Variants in ZBTB7A observed in about 807,000 individuals in gnomAD.
ZBTB7A encodes the protein zinc finger and BTB domain containing 7A.
A neutral mutation model predicts 26.7 loss-of-function variants in ZBTB7A; 7 were observed. That is an observed-to-expected ratio of 0.26 (90% CI 0.15 to 0.49). ZBTB7A has a LOEUF of 0.49. Ranked by LOEUF, ZBTB7A falls within the 20% of genes least tolerant of loss-of-function variation. The pLI is 0.98. For missense variants in ZBTB7A, 617 were observed against 919.5 expected, an observed-to-expected ratio of 0.67 and a Z score of 4.25; for synonymous variants, 452 against 441.0, an observed-to-expected ratio of 1.02 and a Z score of -0.31.
chr19:4,062,256 T>C (rs938347330), intron 1 of ZBTB7A: 9 of 152,164 alleles, frequency 5.9e-5, no homozygotes, highest in African/African-American at 2.2e-4. Flanking sequence ...GGGGGACAGA[T>C]GGAGGGGCTG....
chr19:4,045,708 T>C lies in ZBTB7A; in HGVS notation c.*2044A>G. 5.1e-6 allele frequency: 2 copies of C among 391,412 alleles called. No individual in the cohort carries two copies. The highest frequency in any genetic ancestry group is 9.0e-6 in the Non-Finnish European group (2 of 221,956). 24.2% of individuals were successfully genotyped at this position (391,412 alleles called of 1,614,324 possible). A position where few individuals can be genotyped will look rare whatever the true frequency, so the allele number is the denominator to read the frequency against. ...CAGAGCGTCTATTTTCGGGGTCCCA[T>C]GCTAGCATTGCATATGCAAACGGGG... is the stretch of plus-strand genomic sequence containing the variant. On this transcript the variant is annotated 3_prime_UTR_variant, in exon 3 of 3. Transcript: ENST00000322357. This position sits in a 1 kb window ranked among gnomAD's most constrained non-coding sequence, Gnocchi z 4.1.
rs1348737110 is a variant in ZBTB7A, at chr19:4,043,493, T to C, written c.*4259A>G. 6.7e-6 allele frequency among the ~76,000 whole-genome samples: 1 copy of C among 150,152 alleles called. No homozygotes were observed. Among genetic ancestry groups the C allele is most frequent in the Non-Finnish European group, 1.5e-5 (1 of 67,726 alleles). On this transcript the variant is annotated 3_prime_UTR_variant, in exon 3 of 3. Transcript: ENST00000322357. ...TAAATCTCCCACACTTTATAAAGAC[T>C]CTCAATACAGTCTCTGGAATGTCTA...
chr19:4,045,735 G>A lies in ZBTB7A; in HGVS notation c.*2017C>T, dbSNP rs1338204953. 2.5e-6 allele frequency: 1 copy of A among 396,616 alleles called. No homozygotes were observed. The highest frequency in any genetic ancestry group is 2.1e-5 in the African/African-American group (1 of 48,596). The allele number at this position is 396,616 out of a possible 1,614,324, so 24.6% of individuals were successfully genotyped here. A position where few individuals can be genotyped will look rare whatever the true frequency, so the allele number is the denominator to read the frequency against. ...CTAGCATTGCATATGCAAACGGGGT[G>A]AGGGCGTCCTGGCATCTGGCGACAT... is the stretch of plus-strand genomic sequence containing the variant. On this transcript the variant is annotated 3_prime_UTR_variant, in exon 3 of 3. Transcript: ENST00000322357. This position sits in a 1 kb window ranked among gnomAD's most constrained non-coding sequence, Gnocchi z 4.1.
chr19:4,062,982 G>A (rs1188275995), intron 1 of ZBTB7A, among the ~76,000 whole-genome samples: 1 of 152,108 alleles, frequency 6.6e-6, no homozygotes, highest in Non-Finnish European at 1.5e-5. Context: ...GGCTGGGCTA[G>A]GACTGGACCA....
In ZBTB7A at chr19:4,047,856, C is replaced by T. The variant is rs781588199; in HGVS notation, c.1651G>A (p.Asp551Asn). ...GCTACATTCAACCGGCCCAAGCCGT[C>T]GGGGCTGGCCACGTCCTCGTCCTCG... ...EDEDEDVASP[D>N]GLGRLNVAGA... Residue 551 changes from aspartate (D) to asparagine (N), a missense_variant, in exon 3 of 3, where the codon GAC (aspartate) becomes AAC (asparagine). By Grantham distance (23) the Asp-to-Asn change is conservative. This residue lies in a region of ZBTB7A where 136 missense variants were observed against 126.6 expected (regional missense o/e 1.07). Transcript: ENST00000322357. The T allele has an allele frequency of 1.9e-5, 31 of 1,604,742 alleles. No individual in the cohort carries two copies. Among genetic ancestry groups the T allele is most frequent in the African/African-American group, 8.1e-5 (6 of 74,126 alleles).
chr19:4,051,734 A>G (rs2040506106), intron 2 of ZBTB7A, among the ~76,000 whole-genome samples: 1 of 152,234 alleles, frequency 6.6e-6, no homozygotes, highest in Non-Finnish European at 1.5e-5. Flanking sequence ...CCGGGGTCAC[A>G]GAGGGGATGG....
At chr19:4,064,388 C>A (rs1269103874) in intron 1 of ZBTB7A, among the ~76,000 whole-genome samples, 1 of 152,230 alleles carries the variant, frequency 6.6e-6, no homozygotes, top group Non-Finnish European at 1.5e-5. Context: ...GAGGCCCCGG[C>A]CCCGCCGATA....
Position 4,043,303 on chromosome 19 carries a change from G to T in ZBTB7A, c.*4449C>A, listed in dbSNP as rs980695139. Among the ~76,000 whole-genome samples, 4 of 149,190 alleles carry T rather than the reference G, an allele frequency of 2.7e-5. No homozygotes were observed. Among genetic ancestry groups the T allele is most frequent in the African/African-American group, 9.8e-5 (4 of 40,730 alleles). Reference sequence around the variant, plus strand: ...CAAATGAGGCGACTGAGGCGGCAGCGGTCGTAACAGGCTGCGTTTAGTGGT... The same window carrying T: ...CAAATGAGGCGACTGAGGCGGCAGCTGTCGTAACAGGCTGCGTTTAGTGGT... On this transcript the variant is annotated 3_prime_UTR_variant, in exon 3 of 3. Transcript: ENST00000322357.
Position 4,053,297 on chromosome 19 carries a change from T to A in ZBTB7A, c.1262+674A>T, listed in dbSNP as rs533277108. Among the ~76,000 whole-genome samples, 7 of 152,358 alleles carry A rather than the reference T, an allele frequency of 4.6e-5. No individual in the cohort carries two copies. The South Asian group carries it at 1.4e-3, about 32-fold the overall frequency. Reference sequence around the variant, plus strand: ...CAAGGGCAGGGCCTGGTCTAGGCTGTTCTTAACAGCCACGTGGGTCAGGGA... The same window carrying A: ...CAAGGGCAGGGCCTGGTCTAGGCTGATCTTAACAGCCACGTGGGTCAGGGA... On this transcript the variant is annotated intron_variant, in intron 2 of 2. Transcript: ENST00000322357.
chr19:4,050,600 C>A (rs538247075), intron 2 of ZBTB7A, among the ~76,000 whole-genome samples: 2 of 152,268 alleles, frequency 1.3e-5, no homozygotes, highest in South Asian at 2.1e-4. Flanking sequence ...CCACTCTGAA[C>A]TGATGTGCGC....
At chr19:4,065,179 C>T (rs1330730064) in intron 1 of ZBTB7A, among the ~76,000 whole-genome samples, 2 of 151,650 alleles carry the variant, frequency 1.3e-5, no homozygotes, top group Non-Finnish European at 2.9e-5. Flanking sequence ...GGGTCCGGGC[C>T]AGAGGAGACG....
chr19:4,064,400 G>A (rs986227322), intron 1 of ZBTB7A, among the ~76,000 whole-genome samples: 5 of 152,206 alleles, frequency 3.3e-5, no homozygotes, highest in Non-Finnish European at 5.9e-5. Context: ...CCGCCGATAG[G>A]TGCTCTCGGG....
rs936283106 is a variant in ZBTB7A at position 4,048,709 on chromosome 19, C to T, written c.1263-465G>A. Among the ~76,000 whole-genome samples the T allele has an allele frequency of 2.8e-4, 42 of 151,732 alleles. No individual in the cohort carries two copies. The highest frequency in any genetic ancestry group is 9.0e-4 in the African/African-American group (37 of 41,332). On this transcript the variant is annotated intron_variant, in intron 2 of 2. Transcript: ENST00000322357. This position sits in a 1 kb window ranked among gnomAD's most constrained non-coding sequence, Gnocchi z 6.7. ...AAAAAAACAAAAAACAAAAATCAGCCGGGCATGGTAGCAGGCGCCCGTAAT... is the reference window on the plus strand; with the variant it reads ...AAAAAAACAAAAAACAAAAATCAGCTGGGCATGGTAGCAGGCGCCCGTAAT...
Position 4,045,129 on chromosome 19 carries a change from G to A in ZBTB7A, c.*2623C>T, listed in dbSNP as rs1234403954. On this transcript the variant is annotated 3_prime_UTR_variant, in exon 3 of 3. Coordinates refer to ENST00000322357, the MANE Select transcript of ZBTB7A (RefSeq NM_015898.4). The surrounding 1 kb of genome is among the most constrained non-coding windows in gnomAD (Gnocchi z 4.1). ...AATCCCCGAGGTCTGTGTAAGTGTC[G>A]CGGTGGGCCGCAGCCCTTGTTCCTA... 4 of 152,254 alleles carry A rather than the reference G, an allele frequency of 2.6e-5. No homozygotes were observed. Among genetic ancestry groups the A allele is most frequent in the African/African-American group, 7.2e-5 (3 of 41,460 alleles). The allele number at this position is 152,254 out of a possible 1,614,324, so 9.4% of individuals were successfully genotyped here.
rs1196031020 is a variant in ZBTB7A at position 4,054,365 on chromosome 19, G to C, written c.868C>G (p.Pro290Ala). 4.8e-6 allele frequency: 7 copies of C among 1,458,694 alleles called. No homozygotes were observed. Among genetic ancestry groups the C allele is most frequent in the Non-Finnish European group, 6.3e-6 (7 of 1,116,328 alleles). 90.4% of individuals were successfully genotyped at this position (1,458,694 alleles called of 1,614,324 possible). A position where few individuals can be genotyped will look rare whatever the true frequency, so the allele number is the denominator to read the frequency against. ...GACAGGAAGCCCGGAGAGTCGCCCG[G>C]CTCGGGGGCCGCCTCCGACAGCGAG... is the stretch of plus-strand genomic sequence containing the variant. ...AASLSEAAPEPGDSPGFLSGA... is the reference protein window; with the variant it reads ...AASLSEAAPEAGDSPGFLSGA... The change falls in exon 2 of 3, where the codon CCG becomes GCG. Residue 290 changes from proline to alanine, a missense_variant. Pro to Ala is a conservative substitution (Grantham distance 27). Coordinates refer to ENST00000322357, the MANE Select transcript of ZBTB7A (RefSeq NM_015898.4).
In ZBTB7A at chr19:4,054,318, G is replaced by A. The variant is rs567214559; in HGVS notation, c.915C>T (p.Asp305=). The change falls in exon 2 of 3, where the codon GAC becomes GAT. Residue 305 remains aspartate (D), a synonymous_variant. Coordinates refer to ENST00000322357, the MANE Select transcript of ZBTB7A (RefSeq NM_015898.4). ...GCCCGTCCACGTCGGGCCCGTCCCC[G>A]TCCTCGCCCTCGGCCGCTCCCGACA... ...GFLSGAAEGE[D]GDGPDVDGLA... 7.9e-6 allele frequency: 12 copies of A among 1,523,344 alleles called. No individual in the cohort carries two copies. The highest frequency in any genetic ancestry group is 2.8e-5 in the African/African-American group (2 of 71,996). 94.4% of individuals were successfully genotyped at this position (1,523,344 alleles called of 1,614,324 possible).
At chr19:4,053,587 G>A (rs1369739113) in intron 2 of ZBTB7A, among the ~76,000 whole-genome samples, 1 of 150,718 alleles carries the variant, frequency 6.6e-6, no homozygotes, top group Non-Finnish European at 1.5e-5. Flanking sequence ...GTCGGTGTGC[G>A]TGTGTGTGCG....
chr19:4,045,964 G>A lies in ZBTB7A; in HGVS notation c.*1788C>T, dbSNP rs10412825. 3,929 of 398,860 alleles carry A rather than the reference G, an allele frequency of 9.9e-3. 135 individuals carry two copies. Among genetic ancestry groups the A allele is most frequent in the African/African-American group, 0.072 (3,519 of 48,680 alleles). The allele number at this position is 398,860 out of a possible 1,614,324, so 24.7% of individuals were successfully genotyped here. On this transcript the variant is annotated 3_prime_UTR_variant, in exon 3 of 3. Transcript: ENST00000322357. The surrounding 1 kb of genome is among the most constrained non-coding windows in gnomAD (Gnocchi z 4.1). ...TGGGGGGCCCCTGTCACCCACCTCAGCAGGGTAGGCGCATCCAAGGTCCAG... is the reference window on the plus strand; with the variant it reads ...TGGGGGGCCCCTGTCACCCACCTCAACAGGGTAGGCGCATCCAAGGTCCAG...
At chr19:4,064,639 T>C (rs1048295486) in intron 1 of ZBTB7A, among the ~76,000 whole-genome samples, 3 of 152,164 alleles carry the variant, frequency 2.0e-5, no homozygotes, top group African/African-American at 4.8e-5. Flanking sequence ...GGTCCAGTTC[T>C]GAGGTTGGGG....
Sources: allele counts gnomAD v4.1 joint callset (sites outside exome capture counted in the v4.1 genomes callset), GRCh38; gene constraint gnomAD v4.1.1; regional missense constraint gnomAD v4.1.1; non-coding constraint Gnocchi (gnomAD v3.1); transcripts MANE v1.5; gene names NCBI Gene and HGNC (gene_info 2026-07-23, HGNC 2026-07-21).